The following LDLRAP1 variants were observed in gnomAD, a reference collection of about 807,000 sequenced individuals.
LDLRAP1 encodes the protein low density lipoprotein receptor adapter protein 1.
LDLRAP1 carries 30 observed loss-of-function variants against 37.8 expected under a neutral mutation model. The observed-to-expected ratio is 0.79, with a 90% CI of 0.59 to 1.08. The LOEUF (loss-of-function observed/expected upper bound fraction) is 1.08, where lower values mean the gene tolerates loss of function less well. LDLRAP1 is among the 50% of genes least tolerant of loss of function. The pLI, the probability that LDLRAP1 is intolerant of heterozygous loss-of-function variation, is 0.00. For synonymous variants in LDLRAP1, 156 were observed against 169.8 expected, an observed-to-expected ratio of 0.92 and a Z score of 0.63; for missense variants, 375 against 401.6, an observed-to-expected ratio of 0.93 and a Z score of 0.57.
At position 25,543,688 on chromosome 1, in the gene LDLRAP1, C is replaced by T. The variant is rs2043855721; in HGVS notation, c.-11C>T. ...TGGCTGCGGCAGCGGCGGCGGCGGC[C>T]GGAGCGGGCCATGGACGCGCTCAAG... On this transcript the variant is annotated 5_prime_UTR_variant, in exon 1 of 9. Coordinates refer to ENST00000374338, the MANE Select transcript of LDLRAP1 (RefSeq NM_015627.3). 7.4e-6 allele frequency: 9 copies of T among 1,214,606 alleles called. No homozygotes were observed. Among genetic ancestry groups the T allele is most frequent in the Non-Finnish European group, 9.2e-6 (9 of 977,144 alleles). 75.2% of individuals were successfully genotyped at this position (1,214,606 alleles called of 1,614,324 possible). A position where few individuals can be genotyped will look rare whatever the true frequency, so the allele number is the denominator to read the frequency against.
At chr1:25,583,348 C>T in the LDLRAP1 span, among the ~76,000 whole-genome samples, 3 of 151,780 alleles carry the variant, frequency 2.0e-5, no homozygotes, top group Non-Finnish European at 2.9e-5. Flanking sequence ...TGCCACCATG[C>T]CTGGCTAATT....
the LDLRAP1 span, among the ~76,000 whole-genome samples, chr1:25,578,124 C>T: frequency 1.3e-5 from 2 of 150,724 alleles, no homozygotes; most frequent in African/African-American, 4.9e-5. Context: ...GGCTCTGGCT[C>T]TTCAGGGAAC....
At chr1:25,562,759 G>C in intron 5 of LDLRAP1, 43 bp downstream of exon 5, 1 of 1,573,232 alleles carries the variant, frequency 6.4e-7, no homozygotes, top group Non-Finnish European at 8.7e-7. Context: ...GGGAGGTGGG[G>C]AGACACATAA....
At chr1:25,565,574 T>C (rs2044458077) in intron 8 of LDLRAP1, among the ~76,000 whole-genome samples, 1 of 151,718 alleles carries the variant, frequency 6.6e-6, no homozygotes, top group African/African-American at 2.4e-5. Flanking sequence ...CTTTGCTCCC[T>C]CCACAGGTCT....
chr1:25,589,046 G>A, the LDLRAP1 span, among the ~76,000 whole-genome samples: 1 of 152,336 alleles, frequency 6.6e-6, no homozygotes, highest in East Asian at 1.9e-4. Context: ...GCTTACGCCT[G>A]TAATCACAAC....
chr1:25,556,506 T>C (rs2044204106), intron 3 of LDLRAP1, among the ~76,000 whole-genome samples: 1 of 151,928 alleles, frequency 6.6e-6, no homozygotes, highest in Admixed American at 6.5e-5. Context: ...AACTTGCAAG[T>C]GTCCCAGTCA....
chr1:25,572,771 A>G (rs572955393), downstream of LDLRAP1, among the ~76,000 whole-genome samples: 2 of 152,258 alleles, frequency 1.3e-5, no homozygotes, highest in African/African-American at 4.8e-5. Context: ...ACTGGATGTG[A>G]TGTTGGTAAG....
chr1:25,557,578 AT>A (rs551269562), intron 4 of LDLRAP1: 31 of 450,972 alleles, frequency 6.9e-5, no homozygotes, highest in African/African-American at 5.3e-4. Context: ...CCTGTCTTTA[AT>A]ATGGTCTAGG....
Position 25,568,113 on chromosome 1 carries a change from A to G in LDLRAP1, c.*1121A>G. Reference sequence around the variant, plus strand: ...TTTGTTGTCCTCCCAGGAACCAAAAAACCCCAGCTATTTTCTGACCAAAAT... The same window carrying G: ...TTTGTTGTCCTCCCAGGAACCAAAAGACCCCAGCTATTTTCTGACCAAAAT... On this transcript the variant is annotated 3_prime_UTR_variant, in exon 9 of 9. Coordinates refer to ENST00000374338, the MANE Select transcript of LDLRAP1 (RefSeq NM_015627.3). 6.6e-6 allele frequency: 1 copy of G among 152,568 alleles called. No individual in the cohort carries two copies. Among genetic ancestry groups the G allele is most frequent in the Non-Finnish European group, 1.5e-5 (1 of 68,036 alleles). The allele number at this position is 152,568 out of a possible 1,614,324, so 9.5% of individuals were successfully genotyped here.
At chr1:25,553,871 G>A in intron 1 of LDLRAP1, 51 bp from the exon 2 acceptor site, 1 of 1,606,154 alleles carries the variant, frequency 6.2e-7, no homozygotes, top group Non-Finnish European at 8.5e-7. Flanking sequence ...GCTGTTGCTG[G>A]TGGTGGGCCC....
chr1:25,550,005 C>T (rs2044035498), intron 1 of LDLRAP1: 1 of 152,404 alleles, frequency 6.6e-6, no homozygotes. Flanking sequence ...GCTTCCATGC[C>T]AGGTCCTGGG....
the LDLRAP1 span, among the ~76,000 whole-genome samples, chr1:25,583,147 C>T: frequency 6.7e-6 from 1 of 149,902 alleles, no homozygotes; most frequent in African/African-American, 2.4e-5. Flanking sequence ...ATTATCTTTG[C>T]TCCTCTGTAG....
chr1:25,562,681 A>G lies in LDLRAP1; in HGVS notation c.497A>G (p.Lys166Arg), dbSNP rs377680535. The change falls in exon 5 of 9, where the codon AAA becomes AGA. Residue 166 changes from lysine to arginine, a missense_variant. By Grantham distance (26) the Lys-to-Arg change is conservative. Transcript: ENST00000374338. ...ACCCTCACCGTAGCCCAGGCCTTCAAAGTCGCCTTTGAGTTTTGGCAGGTG... is the reference window on the plus strand; with the variant it reads ...ACCCTCACCGTAGCCCAGGCCTTCAGAGTCGCCTTTGAGTTTTGGCAGGTG... ...AVTLTVAQAF[K>R]VAFEFWQVSK... The G allele has an allele frequency of 6.8e-6, 11 of 1,614,158 alleles. No individual in the cohort carries two copies. The highest frequency in any genetic ancestry group is 9.3e-6 in the Non-Finnish European group (11 of 1,180,010).
intron 1 of LDLRAP1, 90 bp downstream of exon 1, chr1:25,543,876 C>A: frequency 1.2e-6 from 1 of 826,506 alleles, no homozygotes; most frequent in Non-Finnish European, 1.6e-6. Flanking sequence ...CCAAGTTGGG[C>A]AGAGGCGGGG....
the LDLRAP1 span, among the ~76,000 whole-genome samples, chr1:25,585,407 GCTCCAC>G: frequency 1.3e-5 from 2 of 151,556 alleles, no homozygotes; most frequent in Non-Finnish European, 2.9e-5. Flanking sequence ...CTCACTGCAA[GCTCCAC>G]CTCCTGGGTT....
At chr1:25,569,360 G>A (rs1028768890), downstream of LDLRAP1, among the ~76,000 whole-genome samples, 1 of 152,190 alleles carries the variant, frequency 6.6e-6, no homozygotes. Flanking sequence ...GGGTCCAGGC[G>A]TGGCCCAGAT....
chr1:25,576,989 C>T, the LDLRAP1 span, among the ~76,000 whole-genome samples: 1 of 152,206 alleles, frequency 6.6e-6, no homozygotes, highest in Non-Finnish European at 1.5e-5. Flanking sequence ...GGAGCTTCTG[C>T]CCGGTGCAGG....
At chr1:25,575,219 G>C in the LDLRAP1 span, among the ~76,000 whole-genome samples, 25 of 152,108 alleles carry the variant, frequency 1.6e-4, no homozygotes, top group Non-Finnish European at 3.1e-4. Flanking sequence ...AAACCTGGGG[G>C]CCTCCTGGGA....
At chr1:25,546,302 C>T (rs918547434) in intron 1 of LDLRAP1, among the ~76,000 whole-genome samples, 2 of 152,222 alleles carry the variant, frequency 1.3e-5, no homozygotes, top group Non-Finnish European at 2.9e-5. Context: ...CCTGCTCCTC[C>T]TCCTCAAGGT....
Sources: gnomAD v4.1 joint callset for allele counts (sites outside exome capture counted in the v4.1 genomes callset) on GRCh38, gnomAD v4.1.1 for gene constraint, MANE v1.5 for transcripts, NCBI Gene and HGNC (gene_info 2026-07-23, HGNC 2026-07-21) for gene names.